XYLB: variants seen among roughly 807,000 people sequenced by gnomAD.
XYLB encodes xylulose kinase.
In XYLB, 62 loss-of-function variants were observed where a neutral mutation model predicts 78.7. That is an observed-to-expected ratio of 0.79 (90% CI 0.64 to 0.97). XYLB has a LOEUF of 0.97. XYLB is among the 50% of genes least tolerant of loss of function. The pLI is 0.00. For synonymous variants in XYLB, 245 were observed against 247.4 expected (o/e 0.99, Z 0.09); for missense variants, 687 against 676.8 (o/e 1.02, Z -0.17).
At position 38,375,049 on chromosome 3, in the gene XYLB, C is replaced by T. The variant is rs1213952241; in HGVS notation, c.889-95C>T. ...GAGGTCTGCAGCATGAGTGAAGTGA[C>T]AGGGTTAAGGTGGGTGGAGTACAGC... On this transcript the variant is annotated intron_variant, in intron 11 of 18. Coordinates refer to ENST00000207870, the MANE Select transcript of XYLB (RefSeq NM_005108.4). 1.8e-5 allele frequency: 17 copies of T among 957,624 alleles called. No homozygotes were observed. The Middle Eastern group carries it at 8.3e-4, about 47-fold the overall frequency. 59.3% of individuals were successfully genotyped at this position (957,624 alleles called of 1,614,324 possible).
Position 38,377,010 on chromosome 3 carries a change from T to C in XYLB, c.1194+19T>C. On this transcript the variant is annotated intron_variant, in intron 14 of 18. Transcript: ENST00000207870. ...CCACAAGGTACATGTGCTGTTGGTG[T>C]TGGAGTTACATTGGCTCCATTTGTG... 6.2e-7 allele frequency: 1 copy of C among 1,608,258 alleles called. No homozygotes were observed. The highest frequency in any genetic ancestry group is 8.5e-7 in the Non-Finnish European group (1 of 1,175,684).
chr3:38,365,812 G>C, intron 6 of XYLB, 76 bp downstream of exon 6: 1 of 1,498,210 alleles, frequency 6.7e-7, no homozygotes, highest in Non-Finnish European at 8.9e-7. Flanking sequence ...ACCTGCCTCT[G>C]GGGGGATCAC....
chr3:38,360,530 T>A, intron 3 of XYLB, 122 bp downstream of exon 3: 2 of 831,984 alleles, frequency 2.4e-6, no homozygotes, highest in Non-Finnish European at 3.8e-6. Context: ...CAGGTCCTCA[T>A]GGGAAGGTGG....
intron 8 of XYLB, among the ~76,000 whole-genome samples, chr3:38,369,384 A>G (rs1432628953): frequency 6.6e-6 from 1 of 152,120 alleles, no homozygotes; most frequent in Non-Finnish European, 1.5e-5. Context: ...GGGGCATTCC[A>G]GAGGTTTATG....
At chr3:38,360,476 TAGGAA>T in intron 3 of XYLB, 68 bp downstream of exon 3, 1 of 1,428,410 alleles carries the variant, frequency 7.0e-7, no homozygotes, top group Non-Finnish European at 9.5e-7. Flanking sequence ...GGTGATTTGC[TAGGAA>T]GTCCAAAGGT....
At chr3:38,361,628 C>T (rs1211465605) in intron 3 of XYLB, among the ~76,000 whole-genome samples, 1 of 152,156 alleles carries the variant, frequency 6.6e-6, no homozygotes. Context: ...GAGGGCATCT[C>T]ATAGGCCAAG....
Position 38,400,979 on chromosome 3 carries a change from T to G in XYLB, c.1527T>G (p.Ala509=). The change falls in exon 18 of 19, where the codon GCT becomes GCG. Residue 509 remains alanine (A), a synonymous_variant. Coordinates refer to ENST00000207870, the MANE Select transcript of XYLB (RefSeq NM_005108.4). ...TAGCTGCTACCCCAAGCCCGGGAGC[T>G]TCTCAGGTGAGAGACCATCGGAATT... ...PRLAATPSPG[A]SQVYEALLPQ... 6.2e-7 allele frequency: 1 copy of G among 1,614,164 alleles called. No individual in the cohort carries two copies. Among genetic ancestry groups the G allele is most frequent in the Middle Eastern group, 1.6e-4 (1 of 6,062 alleles).
At chr3:38,348,724 C>T in intron 2 of XYLB, 92 bp downstream of exon 2, 1 of 1,197,074 alleles carries the variant, frequency 8.4e-7, no homozygotes, top group South Asian at 1.2e-5. Flanking sequence ...ACTGTTGAGG[C>T]TTTGCCAAAT....
At chr3:38,438,645 G>C in the XYLB span, among the ~76,000 whole-genome samples, 6 of 152,178 alleles carry the variant, frequency 3.9e-5, no homozygotes, top group Non-Finnish European at 7.4e-5. Context: ...AGCTCATAAA[G>C]CTGGCATGGA....
intron 18 of XYLB, among the ~76,000 whole-genome samples, chr3:38,409,480 A>G (rs141106723): frequency 6.6e-6 from 1 of 152,230 alleles, no homozygotes; most frequent in Non-Finnish European, 1.5e-5. Flanking sequence ...CTGGCACAAG[A>G]CAGGGATGCC....
Position 38,414,822 on chromosome 3 carries a change from G to A in XYLB, c.*1809G>A, listed in dbSNP as rs546836423. Reference sequence around the variant, plus strand: ...GCAATATTAAAGGAAGAGCCAAAAAGACCCAGAAATAAAATGACAGATAAA... The same window carrying A: ...GCAATATTAAAGGAAGAGCCAAAAAAACCCAGAAATAAAATGACAGATAAA... On this transcript the variant is annotated 3_prime_UTR_variant, in exon 19 of 19. Coordinates refer to ENST00000207870, the MANE Select transcript of XYLB (RefSeq NM_005108.4). 6.6e-6 allele frequency: 1 copy of A among 152,052 alleles called. No individual in the cohort carries two copies. Among genetic ancestry groups the A allele is most frequent in the Non-Finnish European group, 1.5e-5 (1 of 68,012 alleles). The allele number at this position is 152,052 out of a possible 1,614,324, so 9.4% of individuals were successfully genotyped here.
intron 2 of XYLB, chr3:38,357,169 G>C (rs1376411021): frequency 6.6e-6 from 1 of 152,120 alleles, no homozygotes; most frequent in Non-Finnish European, 1.5e-5. Flanking sequence ...TCTAGTTTAT[G>C]GTATTTTGTT....
Position 38,372,239 on chromosome 3 carries a change from T to C in XYLB, c.766-416T>C, listed in dbSNP as rs1043683731. ...TCACGTCCAATTATTGTTAATCCAG[T>C]CACTGGGGTGATAGAGTGAGTGTGT... On this transcript the variant is annotated intron_variant, in intron 9 of 18. Transcript: ENST00000207870. Among the ~76,000 whole-genome samples, 42 of 152,254 alleles carry C rather than the reference T, an allele frequency of 2.8e-4. 1 individual carries two copies. Among genetic ancestry groups the C allele is most frequent in the Admixed American group, 2.7e-3 (41 of 15,286 alleles).
chr3:38,393,566 C>T (rs112746062), intron 15 of XYLB, among the ~76,000 whole-genome samples: 33 of 152,278 alleles, frequency 2.2e-4, no homozygotes, highest in African/African-American at 7.7e-4. Flanking sequence ...TAAGAATGTG[C>T]CACAGAATGG....
At chr3:38,365,984 C>G (rs560938807) in intron 6 of XYLB, among the ~76,000 whole-genome samples, 4 of 151,870 alleles carry the variant, frequency 2.6e-5, no homozygotes, top group African/African-American at 7.3e-5. Flanking sequence ...GGTACCCCCT[C>G]AATGAGAAGG....
At chr3:38,384,932 A>C (rs948179926) in intron 15 of XYLB, among the ~76,000 whole-genome samples, 1 of 152,154 alleles carries the variant, frequency 6.6e-6, no homozygotes, top group Non-Finnish European at 1.5e-5. Context: ...GACTGGCATG[A>C]GGTCTGATAA....
At chr3:38,385,510 T>C (rs1272441821) in intron 15 of XYLB, among the ~76,000 whole-genome samples, 3 of 152,232 alleles carry the variant, frequency 2.0e-5, no homozygotes, top group Admixed American at 2.0e-4. Flanking sequence ...AAATTTTAGC[T>C]CATTTATTCC....
intron 15 of XYLB, 36 bp from the exon 16 acceptor site, chr3:38,395,469 G>T (rs769018936): frequency 1.9e-6 from 3 of 1,609,846 alleles, no homozygotes; most frequent in Non-Finnish European, 2.6e-6. Context: ...TGGGAGAACT[G>T]GCATAGCTAT....
In XYLB at chr3:38,400,881, T is replaced by G; in HGVS notation, c.1439-10T>G. The stretch of plus-strand genomic sequence containing the variant: ...ACATGCACTAATGTGAAGTGACCTT[T>G]CCCTTCTAGGTCTTGCAGGTGGAAC... On this transcript the variant is annotated splice_polypyrimidine_tract_variant and intron_variant, in intron 17 of 18. Transcript: ENST00000207870. 6.2e-7 allele frequency: 1 copy of G among 1,612,718 alleles called. No homozygotes were observed. Among genetic ancestry groups the G allele is most frequent in the Admixed American group, 1.7e-5 (1 of 59,714 alleles).
Sources: allele counts gnomAD v4.1 joint callset (sites outside exome capture counted in the v4.1 genomes callset), GRCh38; gene constraint gnomAD v4.1.1; transcripts MANE v1.5; gene names NCBI Gene and HGNC (gene_info 2026-07-23, HGNC 2026-07-21).